KCNQ1: variants seen among roughly 807,000 people sequenced by gnomAD.
KCNQ1 encodes the protein potassium voltage-gated channel subfamily Q member 1, also known as potassium voltage-gated channel subfamily KQT member 1.
Under a neutral mutation model 72.4 loss-of-function variants are expected in KCNQ1, and 49 were observed. The observed-to-expected ratio is 0.68, with a 90% CI of 0.54 to 0.86. The LOEUF is 0.86. Ranked by LOEUF, KCNQ1 falls within the 40% of genes least tolerant of loss-of-function variation. The probability of loss-of-function intolerance (pLI) is 0.00; values close to 1 mark genes in which losing one functional copy is unlikely to be tolerated. For missense variants in KCNQ1, 790 were observed against 945.1 expected (o/e 0.84, Z 2.15); for synonymous variants, 450 against 412.6 (o/e 1.09, Z -1.10).
intron 15 of KCNQ1, among the ~76,000 whole-genome samples, chr11:2,825,079 G>A (rs2134060051): frequency 6.6e-6 from 1 of 152,356 alleles, no homozygotes. Context: ...GGCGCAGTGT[G>A]CTGGGCCTCA....
chr11:2,794,345 G>A (rs1847089347), intron 15 of KCNQ1, among the ~76,000 whole-genome samples: 1 of 152,216 alleles, frequency 6.6e-6, no homozygotes, highest in Admixed American at 6.5e-5. Flanking sequence ...TTGCTCGGAG[G>A]GGTGCTGAGG....
intron 11 of KCNQ1, among the ~76,000 whole-genome samples, chr11:2,749,301 T>C (rs1324786643): frequency 1.3e-5 from 2 of 151,120 alleles, no homozygotes; most frequent in African/African-American, 4.9e-5. Flanking sequence ...GACCTAGAAA[T>C]CGAGGGGTGT....
chr11:2,726,514 G>A (rs563768087), intron 11 of KCNQ1, among the ~76,000 whole-genome samples: 29 of 152,146 alleles, frequency 1.9e-4, no homozygotes, highest in East Asian at 1.2e-3. Context: ...GGTTCCAGCC[G>A]TCCCCCACCC....
intron 11 of KCNQ1, chr11:2,692,433 T>G: frequency 5.0e-6 from 2 of 398,674 alleles, no homozygotes. Context: ...CTTTCAAAGT[T>G]TAGAGACCTG....
intron 1 of KCNQ1, among the ~76,000 whole-genome samples, chr11:2,504,667 G>A (rs1438124873): frequency 6.6e-6 from 1 of 152,184 alleles, no homozygotes; most frequent in Non-Finnish European, 1.5e-5. Flanking sequence ...CGAGGCATGA[G>A]AATCACTCGA....
At chr11:2,610,537 T>C (rs543742710) in intron 10 of KCNQ1, 1 of 398,428 alleles carries the variant, frequency 2.5e-6, no homozygotes, top group South Asian at 1.3e-4. Flanking sequence ...TCCTTGCTCT[T>C]TGCTTTTGGA....
chr11:2,804,349 C>A (rs1199383521), intron 15 of KCNQ1, among the ~76,000 whole-genome samples: 1 of 152,214 alleles, frequency 6.6e-6, no homozygotes, highest in Non-Finnish European at 1.5e-5. Flanking sequence ...AGTCACCCAA[C>A]TCAGTGGTAG....
chr11:2,482,027 G>T lies in KCNQ1; in HGVS notation c.386+36543G>T, dbSNP rs760411503. 6.6e-6 allele frequency among the ~76,000 whole-genome samples: 1 copy of T among 152,180 alleles called. No individual in the cohort carries two copies. The highest frequency in any genetic ancestry group is 1.5e-5 in the Non-Finnish European group (1 of 68,050). On this transcript the variant is annotated intron_variant, in intron 1 of 15. Transcript: ENST00000155840. This position sits in a 1 kb window ranked among gnomAD's most constrained non-coding sequence, Gnocchi z 5.7. ...AGGTTGGGGACCACGGCCATCGGCT[G>T]TTTGCTTTATGAATTTGTGCCTCAG...
chr11:2,736,493 A>G (rs1468060062), intron 11 of KCNQ1, among the ~76,000 whole-genome samples: 1 of 152,058 alleles, frequency 6.6e-6, no homozygotes, highest in Non-Finnish European at 1.5e-5. Context: ...GCCTGGAGAG[A>G]AGGTGCACTT....
At chr11:2,560,167 G>C (rs1228313918) in intron 2 of KCNQ1, among the ~76,000 whole-genome samples, 12 of 110,158 alleles carry the variant, frequency 1.1e-4, no homozygotes, top group African/African-American at 2.8e-4. Context: ...AATGAGGGGG[G>C]TGATGTCCAT....
chr11:2,619,518 CAT>C (rs1305074004), intron 10 of KCNQ1: 3 of 398,444 alleles, frequency 7.5e-6, no homozygotes, highest in African/African-American at 6.2e-5. Flanking sequence ...ATTAATTCCA[CAT>C]AGACATGATA....
chr11:2,762,822 C>T lies in KCNQ1; in HGVS notation c.1515-6022C>T, dbSNP rs115187897. Among the ~76,000 whole-genome samples, 457 of 152,164 alleles carry T rather than the reference C, an allele frequency of 3.0e-3. 1 individual carries two copies. The highest frequency in any genetic ancestry group is 0.011 in the African/African-American group (438 of 41,498). On this transcript the variant is annotated intron_variant, in intron 11 of 15. Coordinates refer to ENST00000155840, the MANE Select transcript of KCNQ1 (RefSeq NM_000218.3). This position sits in a 1 kb window ranked among gnomAD's most constrained non-coding sequence, Gnocchi z 4.3. ...ATCTCCCCCCACCCCACCCCGTCCA[C>T]GGAAAAAGTGTCTTCCACGAAACTG...
intron 15 of KCNQ1, among the ~76,000 whole-genome samples, chr11:2,794,088 CG>C (rs1564895409): frequency 6.6e-6 from 1 of 152,118 alleles, no homozygotes; most frequent in East Asian, 1.9e-4. Context: ...ATGGCCCGGC[CG>C]GGCCAAGGAT....
chr11:2,547,619 C>G lies in KCNQ1; in HGVS notation c.477+19601C>G, dbSNP rs1234577483. ...GGTTTCTCATTTAACCCTTTACTGT[C>G]TGGCTTACCGTTTTTATTAATCTGC... is the stretch of plus-strand genomic sequence containing the variant. On this transcript the variant is annotated intron_variant, in intron 2 of 15. Coordinates refer to ENST00000155840, the MANE Select transcript of KCNQ1 (RefSeq NM_000218.3). The surrounding 1 kb of genome is among the most constrained non-coding windows in gnomAD (Gnocchi z 4.2). Among the ~76,000 whole-genome samples, 1 of 152,220 alleles carries G rather than the reference C, an allele frequency of 6.6e-6. No individual in the cohort carries two copies. Among genetic ancestry groups the G allele is most frequent in the Non-Finnish European group, 1.5e-5 (1 of 68,048 alleles).
At chr11:2,846,494 A>C (rs907936448) in intron 15 of KCNQ1, among the ~76,000 whole-genome samples, 2 of 152,128 alleles carry the variant, frequency 1.3e-5, no homozygotes, top group Non-Finnish European at 2.9e-5. Context: ...TCCTGTGGCC[A>C]CCAACAGAGC....
intron 15 of KCNQ1, among the ~76,000 whole-genome samples, chr11:2,789,478 G>T (rs960352697): frequency 6.6e-6 from 1 of 152,230 alleles, no homozygotes; most frequent in Non-Finnish European, 1.5e-5. Flanking sequence ...CAGCCCCAGT[G>T]CCCGCCACAG....
chr11:2,629,575 T>G (rs1849318796), intron 10 of KCNQ1: 2 of 398,524 alleles, frequency 5.0e-6, no homozygotes, highest in Non-Finnish European at 8.8e-6. Context: ...TGGCACCATT[T>G]GTTGAAAAGA....
intron 11 of KCNQ1, chr11:2,686,309 G>A (rs1201093462): frequency 5.0e-6 from 2 of 398,594 alleles, no homozygotes; most frequent in East Asian, 3.6e-5. Context: ...GACCACACTA[G>A]TGTCACCTGG....
At position 2,676,564 on chromosome 11, in the gene KCNQ1, G is replaced by A. The variant is rs1258568036; in HGVS notation, c.1514+14483G>A. 1.3e-5 allele frequency: 5 copies of A among 398,644 alleles called. No homozygotes were observed. The highest frequency in any genetic ancestry group is 4.4e-5 in the Admixed American group (1 of 22,736). The allele number at this position is 398,644 out of a possible 1,614,324, so 24.7% of individuals were successfully genotyped here. On this transcript the variant is annotated intron_variant, in intron 11 of 15. Coordinates refer to ENST00000155840, the MANE Select transcript of KCNQ1 (RefSeq NM_000218.3). This position sits in a 1 kb window ranked among gnomAD's most constrained non-coding sequence, Gnocchi z 4.2. ...TACAGGAAAGGTCTAAGAAGGCTAA[G>A]GACCATCATACTGGGTATTCAACAG...
Sources: gnomAD v4.1 joint callset for allele counts (sites outside exome capture counted in the v4.1 genomes callset) on GRCh38, gnomAD v4.1.1 for gene constraint, Gnocchi (gnomAD v3.1) non-coding constraint, MANE v1.5 for transcripts, NCBI Gene and HGNC (gene_info 2026-07-23, HGNC 2026-07-21) for gene names.